The following DLG2 variants were observed in gnomAD, a reference collection of about 807,000 sequenced individuals.
DLG2 encodes discs large MAGUK scaffold protein 2.
A neutral mutation model predicts 132.5 loss-of-function variants in DLG2; 45 were observed. The ratio of observed to expected loss-of-function variants is 0.34; its 90% CI spans 0.27 to 0.44. The LOEUF (loss-of-function observed/expected upper bound fraction) is 0.44, where lower values mean the gene tolerates loss of function less well. Among genes scored for constraint, DLG2 ranks in the 20% least tolerant of loss-of-function variants. The probability of loss-of-function intolerance (pLI) is 1.00; values close to 1 mark genes in which losing one functional copy is unlikely to be tolerated. For synonymous variants in DLG2, 424 were observed against 419.6 expected, an observed-to-expected ratio of 1.01 and a Z score of -0.13; for missense variants, 1,045 against 1,196.9, an observed-to-expected ratio of 0.87 and a Z score of 1.87.
At chr11:84,329,701 A>G (rs534831862) in intron 7 of DLG2, among the ~76,000 whole-genome samples, 2 of 152,328 alleles carry the variant, frequency 1.3e-5, no homozygotes, top group Admixed American at 1.3e-4. Flanking sequence ...TTGACTAGTT[A>G]TCTCACTTTG....
chr11:83,888,193 A>G (rs1314980620), intron 15 of DLG2, among the ~76,000 whole-genome samples: 4 of 151,892 alleles, frequency 2.6e-5, no homozygotes, highest in African/African-American at 4.8e-5. Flanking sequence ...TTGTATATCT[A>G]GAAAACCCCA....
At chr11:85,614,428 GTCAGGAGT>G (rs989569493) in intron 2 of DLG2, among the ~76,000 whole-genome samples, 1 of 151,974 alleles carries the variant, frequency 6.6e-6, no homozygotes, top group Non-Finnish European at 1.5e-5. Context: ...GATACCTGAG[GTCAGGAGT>G]TCAAGACCAG....
intron 14 of DLG2, among the ~76,000 whole-genome samples, chr11:83,935,662 T>A (rs2081281583): frequency 6.6e-6 from 1 of 152,186 alleles, no homozygotes; most frequent in Non-Finnish European, 1.5e-5. Flanking sequence ...TTGGAGTAGA[T>A]GCCTATTTGC....
At chr11:83,615,492 A>AT (rs1478277404) in intron 19 of DLG2, among the ~76,000 whole-genome samples, 1 of 152,106 alleles carries the variant, frequency 6.6e-6, no homozygotes, top group African/African-American at 2.4e-5. Context: ...CTCATCCCTA[A>AT]TCCCTGGAAT....
intron 6 of DLG2, among the ~76,000 whole-genome samples, chr11:84,968,102 G>T (rs2053576079): frequency 6.6e-6 from 1 of 152,120 alleles, no homozygotes; most frequent in Admixed American, 6.6e-5. Context: ...ATAACCAAAT[G>T]TAAATATTCT....
At chr11:83,680,500 T>C (rs1245177161) in intron 18 of DLG2, among the ~76,000 whole-genome samples, 5 of 152,246 alleles carry the variant, frequency 3.3e-5, no homozygotes. Flanking sequence ...CCTATCTTAA[T>C]CATTATTGCT....
chr11:85,361,495 C>G (rs919211935), intron 3 of DLG2, among the ~76,000 whole-genome samples: 1 of 152,106 alleles, frequency 6.6e-6, no homozygotes, highest in African/African-American at 2.4e-5. Flanking sequence ...GGCTATTATT[C>G]CACTCTGCAT....
chr11:85,352,556 T>C (rs2083377028), intron 3 of DLG2, among the ~76,000 whole-genome samples: 1 of 152,204 alleles, frequency 6.6e-6, no homozygotes, highest in Admixed American at 6.5e-5. Flanking sequence ...GCTATAAATT[T>C]CCCTCTACAC....
intron 5 of DLG2, among the ~76,000 whole-genome samples, chr11:85,124,021 T>C (rs1020343693): frequency 6.6e-6 from 1 of 152,182 alleles, no homozygotes; most frequent in Non-Finnish European, 1.5e-5. Flanking sequence ...AACTAGCTAA[T>C]TGAATTAGTG....
intron 10 of DLG2, among the ~76,000 whole-genome samples, chr11:84,062,567 TCTTA>T (rs1454950288): frequency 7.2e-5 from 11 of 152,204 alleles, no homozygotes; most frequent in African/African-American, 1.2e-4. Flanking sequence ...ACTTATTTGT[TCTTA>T]CTTAAACAAT....
intron 8 of DLG2, among the ~76,000 whole-genome samples, chr11:84,167,897 C>G (rs1344729464): frequency 6.6e-6 from 1 of 152,172 alleles, no homozygotes; most frequent in Non-Finnish European, 1.5e-5. Context: ...AACTCCTGAC[C>G]TCAGGAGATC....
At chr11:84,527,421 A>G (rs2099324665) in intron 7 of DLG2, among the ~76,000 whole-genome samples, 1 of 152,078 alleles carries the variant, frequency 6.6e-6, no homozygotes, top group Non-Finnish European at 1.5e-5. Flanking sequence ...CTCTCCTCCT[A>G]TAATTTCTCA....
intron 6 of DLG2, among the ~76,000 whole-genome samples, chr11:85,003,492 A>G (rs978498995): frequency 6.6e-6 from 1 of 152,160 alleles, no homozygotes; most frequent in Non-Finnish European, 1.5e-5. Flanking sequence ...TAATATTTGT[A>G]TAGGAACTAT....
chr11:83,959,083 G>A (rs1040997812), intron 14 of DLG2, among the ~76,000 whole-genome samples: 8 of 152,036 alleles, frequency 5.3e-5, no homozygotes, highest in Non-Finnish European at 7.4e-5. Context: ...AATGAATGCC[G>A]ATTTATAGGG....
At chr11:83,797,102 G>A (rs1339766215) in intron 17 of DLG2, among the ~76,000 whole-genome samples, 1 of 152,060 alleles carries the variant, frequency 6.6e-6, no homozygotes, top group Non-Finnish European at 1.5e-5. Flanking sequence ...GGCAGAAAGG[G>A]AGGCACATAT....
At chr11:83,850,071 A>G (rs972597711) in intron 16 of DLG2, among the ~76,000 whole-genome samples, 8 of 151,780 alleles carry the variant, frequency 5.3e-5, no homozygotes, top group African/African-American at 1.9e-4. Flanking sequence ...CAGGGAGGTA[A>G]GTAAAAATAA....
intron 4 of DLG2, among the ~76,000 whole-genome samples, chr11:85,191,066 T>C (rs548697406): frequency 5.9e-5 from 9 of 152,260 alleles, no homozygotes; most frequent in African/African-American, 1.7e-4. Context: ...CCTGCACTCA[T>C]ATGTTCATTG....
At position 84,099,840 on chromosome 11, in the gene DLG2, T is replaced by G. The variant is rs866276950; in HGVS notation, c.625-793A>C. ...AAAGAGATATATATATCTAAAGCGA[T>G]ATATATATATCTAAAGAGATATATA... On this transcript the variant is annotated intron_variant, in intron 9 of 27. Coordinates refer to ENST00000376104, the MANE Select transcript of DLG2 (RefSeq NM_001142699.3). Among the ~76,000 whole-genome samples, 2 of 99,060 alleles carry G rather than the reference T, an allele frequency of 2.0e-5. 1 individual carries two copies. Among genetic ancestry groups the G allele is most frequent in the East Asian group, 5.5e-4 (2 of 3,654 alleles). The allele number at this position is 99,060 out of a possible 152,430, so 65.0% of individuals were successfully genotyped here. A position where few individuals can be genotyped will look rare whatever the true frequency, so the allele number is the denominator to read the frequency against.
chr11:83,553,892 T>TC, intron 19 of DLG2, among the ~76,000 whole-genome samples: 1 of 150,154 alleles, frequency 6.7e-6, no homozygotes, highest in East Asian at 1.9e-4. Context: ...ATCTTTTCTT[T>TC]TTTTTTCTTT....
Sources: gnomAD v4.1 joint callset for allele counts (sites outside exome capture counted in the v4.1 genomes callset) on GRCh38, gnomAD v4.1.1 for gene constraint, MANE v1.5 for transcripts, NCBI Gene and HGNC (gene_info 2026-07-23, HGNC 2026-07-21) for gene names.